Variants in FRMD4A observed in about 807,000 individuals in gnomAD.
FRMD4A encodes FERM domain-containing protein 4A.
Under a neutral mutation model 129.1 loss-of-function variants are expected in FRMD4A, and 29 were observed. That is an observed-to-expected ratio of 0.22 (90% CI 0.17 to 0.31). The LOEUF (loss-of-function observed/expected upper bound fraction) is 0.31, where lower values mean the gene tolerates loss of function less well. Among genes scored for constraint, FRMD4A ranks in the 10% least tolerant of loss-of-function variants. The pLI is 1.00. For missense variants in FRMD4A, 1,272 were observed against 1,375.8 expected, an observed-to-expected ratio of 0.92 and a Z score of 1.19; for synonymous variants, 634 against 571.6, an observed-to-expected ratio of 1.11 and a Z score of -1.56.
At chr10:13,784,003 A>T (rs2092796646) in intron 5 of FRMD4A, among the ~76,000 whole-genome samples, 1 of 152,166 alleles carries the variant, frequency 6.6e-6, no homozygotes, top group Non-Finnish European at 1.5e-5. Context: ...AAGGACTAGG[A>T]GTTGAAAGGA....
rs185066660 is a variant in FRMD4A, at chr10:13,660,097, T to C, written c.1898+219A>G. Among the ~76,000 whole-genome samples the C allele has an allele frequency of 2.9e-3, 439 of 152,322 alleles. 1 individual carries two copies. The highest frequency in any genetic ancestry group is 0.016 in the South Asian group (76 of 4,826). ...TCAAACCATCTGCCATCACGTTGAT[T>C]GTGGGCCAAAGCCCCAATTTCTCTG... is the stretch of plus-strand genomic sequence containing the variant. On this transcript the variant is annotated intron_variant, in intron 20 of 24. Transcript: ENST00000357447.
At chr10:14,124,093 A>G (rs1838692119) in intron 2 of FRMD4A, among the ~76,000 whole-genome samples, 1 of 152,188 alleles carries the variant, frequency 6.6e-6, no homozygotes. Flanking sequence ...TACAAAGTAA[A>G]TGAAACTGTC....
intron 2 of FRMD4A, among the ~76,000 whole-genome samples, chr10:13,924,374 AC>A (rs2095106289): frequency 6.7e-6 from 1 of 150,166 alleles, no homozygotes; most frequent in African/African-American, 2.5e-5. Context: ...TCTCCTTTCT[AC>A]CCCATCTTAT....
intron 2 of FRMD4A, among the ~76,000 whole-genome samples, chr10:14,207,877 G>A (rs1195604614): frequency 1.3e-5 from 2 of 152,148 alleles, no homozygotes; most frequent in African/African-American, 2.4e-5. Flanking sequence ...ATCAGAAGAA[G>A]TCAGTATAAA....
intron 2 of FRMD4A, among the ~76,000 whole-genome samples, chr10:14,003,183 C>T (rs185956785): frequency 5.9e-5 from 9 of 152,234 alleles, no homozygotes; most frequent in Admixed American, 5.2e-4. Context: ...TGGCGGGCTG[C>T]ACCACGGAAT....
chr10:14,185,719 C>T (rs11258929), intron 2 of FRMD4A, among the ~76,000 whole-genome samples: 20 of 152,216 alleles, frequency 1.3e-4, no homozygotes, highest in African/African-American at 4.3e-4. Context: ...TTCAGTAGTT[C>T]TAGAGAGAAG....
intron 2 of FRMD4A, among the ~76,000 whole-genome samples, chr10:14,279,530 C>T (rs1193724640): frequency 6.6e-6 from 1 of 152,026 alleles, no homozygotes; most frequent in Non-Finnish European, 1.5e-5. Context: ...TTTCATAAAA[C>T]TTAGGCAGAG....
At chr10:14,029,578 A>G (rs1296302615) in intron 2 of FRMD4A, among the ~76,000 whole-genome samples, 1 of 152,234 alleles carries the variant, frequency 6.6e-6, no homozygotes, top group Non-Finnish European at 1.5e-5. Context: ...GTGGTTTTCT[A>G]TTCAGCAAGA....
intron 2 of FRMD4A, among the ~76,000 whole-genome samples, chr10:13,983,105 C>G (rs140657611): frequency 1.3e-5 from 2 of 152,144 alleles, no homozygotes; most frequent in Non-Finnish European, 2.9e-5. Context: ...GGGCTATAGG[C>G]GTGTGCCACT....
intron 2 of FRMD4A, among the ~76,000 whole-genome samples, chr10:13,982,691 C>T (rs749313100): frequency 2.0e-4 from 30 of 152,236 alleles, no homozygotes; most frequent in Non-Finnish European, 3.8e-4. Context: ...GTATTATCTA[C>T]ATGGCTGCCC....
At chr10:14,250,485 T>C (rs1432108109) in intron 2 of FRMD4A, among the ~76,000 whole-genome samples, 1 of 152,242 alleles carries the variant, frequency 6.6e-6, no homozygotes, top group Non-Finnish European at 1.5e-5. Context: ...ATTAAGGCTG[T>C]AATCCTGGGA....
At chr10:13,963,550 C>T (rs191467707) in intron 2 of FRMD4A, among the ~76,000 whole-genome samples, 2 of 152,234 alleles carry the variant, frequency 1.3e-5, no homozygotes, top group Admixed American at 6.5e-5. Flanking sequence ...TCATTGAAAA[C>T]CCAATCTCAT....
At chr10:13,744,115 G>A (rs1354040801) in intron 9 of FRMD4A, among the ~76,000 whole-genome samples, 3 of 152,144 alleles carry the variant, frequency 2.0e-5, no homozygotes, top group African/African-American at 7.2e-5. Flanking sequence ...GGGAAACAGG[G>A]ATGGTGATAT....
intron 2 of FRMD4A, among the ~76,000 whole-genome samples, chr10:14,019,930 C>T (rs748259126): frequency 1.6e-4 from 24 of 152,158 alleles, no homozygotes; most frequent in Admixed American, 1.3e-4. Context: ...TTGTGGGGCT[C>T]CTCATCTATG....
At chr10:14,014,697 C>CA (rs1361062254) in intron 2 of FRMD4A, among the ~76,000 whole-genome samples, 4 of 152,246 alleles carry the variant, frequency 2.6e-5, no homozygotes, top group Non-Finnish European at 5.9e-5. Context: ...CTCCTATCAC[C>CA]AGACCTCACA....
intron 2 of FRMD4A, among the ~76,000 whole-genome samples, chr10:13,974,989 G>A (rs2095536390): frequency 6.6e-6 from 1 of 151,626 alleles, no homozygotes; most frequent in African/African-American, 2.4e-5. Flanking sequence ...AGGTGTGTGT[G>A]TGTGTGTCTG....
At chr10:13,936,784 C>T (rs978277586) in intron 2 of FRMD4A, among the ~76,000 whole-genome samples, 3 of 152,140 alleles carry the variant, frequency 2.0e-5, no homozygotes, top group Non-Finnish European at 4.4e-5. Flanking sequence ...AAGGGGTGAG[C>T]CAAGGATGCT....
At chr10:14,045,748 T>C (rs1219011015) in intron 2 of FRMD4A, among the ~76,000 whole-genome samples, 1 of 145,820 alleles carries the variant, frequency 6.9e-6, no homozygotes, top group African/African-American at 2.5e-5. Flanking sequence ...CTACCAGACA[T>C]ATATAATGTA....
intron 2 of FRMD4A, among the ~76,000 whole-genome samples, chr10:13,970,568 G>C (rs139302768): frequency 5.6e-4 from 85 of 152,292 alleles, no homozygotes; most frequent in South Asian, 5.4e-3. Context: ...GCTTACAGAG[G>C]GAGGGCCAAA....
Sources: gnomAD v4.1 joint callset for allele counts (sites outside exome capture counted in the v4.1 genomes callset) on GRCh38, gnomAD v4.1.1 for gene constraint, MANE v1.5 for transcripts, NCBI Gene and HGNC (gene_info 2026-07-23, HGNC 2026-07-21) for gene names.